The following PAG1 variants were observed in gnomAD, a reference collection of about 807,000 sequenced individuals.
PAG1 encodes phosphoprotein associated with glycosphingolipid-enriched microdomains 1.
A neutral mutation model predicts 31.7 loss-of-function variants in PAG1; 23 were observed. The ratio of observed to expected loss-of-function variants is 0.73; its 90% CI spans 0.52 to 1.03. PAG1 has a LOEUF of 1.03. Ranked by LOEUF, PAG1 falls within the 50% of genes least tolerant of loss-of-function variation. The probability of loss-of-function intolerance (pLI) is 0.00; values close to 1 mark genes in which losing one functional copy is unlikely to be tolerated. For missense variants in PAG1, 473 were observed against 540.7 expected, an observed-to-expected ratio of 0.87 and a Z score of 1.24; for synonymous variants, 214 against 210.3, an observed-to-expected ratio of 1.02 and a Z score of -0.15.
In PAG1 at chr8:81,072,030, C is replaced by T. The variant is rs1038273950; in HGVS notation, c.-233-1860G>A. 5.3e-5 allele frequency among the ~76,000 whole-genome samples: 8 copies of T among 152,178 alleles called. No homozygotes were observed. The South Asian group carries it at 1.0e-3, about 20-fold the overall frequency. On this transcript the variant is annotated intron_variant, in intron 1 of 8. Transcript: ENST00000220597. The stretch of plus-strand genomic sequence containing the variant: ...CAGTATAGAAGAGAGAACAGACCAG[C>T]GGCACAGGGGCCCACTGAGATGTGT...
chr8:80,970,049 G>C lies in PAG1; in HGVS notation c.*6495C>G, dbSNP rs1807043483. 6.6e-6 allele frequency: 1 copy of C among 152,246 alleles called. No homozygotes were observed. The highest frequency in any genetic ancestry group is 2.1e-4 in the South Asian group (1 of 4,836). The allele number at this position is 152,246 out of a possible 1,614,324, so 9.4% of individuals were successfully genotyped here. A position where few individuals can be genotyped will look rare whatever the true frequency, so the allele number is the denominator to read the frequency against. ...TCCTTAGGCACTGTTTCCTGGGGGA[G>C]AGGGTGCAATGGCTTCATGGTGAAA... On this transcript the variant is annotated 3_prime_UTR_variant, in exon 9 of 9. Coordinates refer to ENST00000220597, the MANE Select transcript of PAG1 (RefSeq NM_018440.4).
intron 3 of PAG1, among the ~76,000 whole-genome samples, chr8:81,015,633 T>C (rs1369596143): frequency 6.6e-6 from 1 of 152,222 alleles, no homozygotes; most frequent in Non-Finnish European, 1.5e-5. Flanking sequence ...AAAAAGTTAA[T>C]ACTTTCCATG....
intron 5 of PAG1, among the ~76,000 whole-genome samples, chr8:80,988,069 G>C (rs1048878719): frequency 1.3e-5 from 2 of 152,200 alleles, no homozygotes; most frequent in Admixed American, 1.3e-4. Flanking sequence ...AGTTCTATTA[G>C]ACACTGTTGT....
intron 7 of PAG1, among the ~76,000 whole-genome samples, chr8:80,981,498 G>A (rs894763240): frequency 6.6e-6 from 1 of 151,910 alleles, no homozygotes; most frequent in African/African-American, 2.4e-5. Flanking sequence ...CTTCTCCCCA[G>A]ACTTCCAACA....
At chr8:81,106,520 G>A (rs980777462) in intron 1 of PAG1, among the ~76,000 whole-genome samples, 1 of 151,874 alleles carries the variant, frequency 6.6e-6, no homozygotes, top group South Asian at 2.1e-4. Context: ...TTTTTAAAAC[G>A]TTTTTAATCA....
chr8:81,055,680 G>GT (rs1197034126), intron 2 of PAG1, among the ~76,000 whole-genome samples: 2 of 152,030 alleles, frequency 1.3e-5, no homozygotes, highest in African/African-American at 4.8e-5. Context: ...CACATCCCTT[G>GT]TAAGTTGGAT....
At chr8:80,982,564 T>G (rs1314831236) in intron 7 of PAG1, among the ~76,000 whole-genome samples, 1 of 152,148 alleles carries the variant, frequency 6.6e-6, no homozygotes, top group African/African-American at 2.4e-5. Flanking sequence ...TGTGGATGAC[T>G]CCCACATCAG....
At chr8:81,013,437 T>C (rs1808018801) in intron 3 of PAG1, among the ~76,000 whole-genome samples, 1 of 152,162 alleles carries the variant, frequency 6.6e-6, no homozygotes, top group Non-Finnish European at 1.5e-5. Flanking sequence ...CTCTCCATTG[T>C]ACCCTGCCCC....
chr8:81,093,884 G>A (rs142378797), intron 1 of PAG1, among the ~76,000 whole-genome samples: 2 of 152,318 alleles, frequency 1.3e-5, no homozygotes, highest in East Asian at 3.9e-4. Context: ...CAAACGGCCT[G>A]CCTTGCCCTG....
intron 3 of PAG1, among the ~76,000 whole-genome samples, chr8:81,006,721 C>T (rs1407315553): frequency 6.6e-6 from 1 of 151,828 alleles, no homozygotes; most frequent in Non-Finnish European, 1.5e-5. Context: ...TGGGTTAAGG[C>T]TGTGTTTATG....
intron 2 of PAG1, among the ~76,000 whole-genome samples, chr8:81,062,114 C>A (rs1011226815): frequency 8.5e-5 from 13 of 152,170 alleles, no homozygotes; most frequent in Admixed American, 2.0e-4. Flanking sequence ...GCTAACAACA[C>A]CTCAGTTATC....
rs1809492032 is a variant in PAG1, at chr8:81,094,219, A to G, written c.-234+17372T>C. On this transcript the variant is annotated intron_variant, in intron 1 of 8. Transcript: ENST00000220597. ...CAGGCCAGGCTAAACTTATTATGATATTAAGTCTTTCAGATAAATATGTTC... is the reference window on the plus strand; with the variant it reads ...CAGGCCAGGCTAAACTTATTATGATGTTAAGTCTTTCAGATAAATATGTTC... 2.0e-5 allele frequency among the ~76,000 whole-genome samples: 3 copies of G among 152,228 alleles called. No individual in the cohort carries two copies. In the South Asian group the frequency reaches 6.2e-4, roughly 32 times the overall value.
At chr8:81,098,910 C>A (rs933684268) in intron 1 of PAG1, among the ~76,000 whole-genome samples, 2 of 152,174 alleles carry the variant, frequency 1.3e-5, no homozygotes, top group African/African-American at 4.8e-5. Context: ...GTTTGAAATG[C>A]AATATCCTGG....
chr8:80,999,157 A>T (rs889651632), intron 3 of PAG1, among the ~76,000 whole-genome samples: 1 of 152,216 alleles, frequency 6.6e-6, no homozygotes, highest in African/African-American at 2.4e-5. Context: ...TCTTCCGTTC[A>T]GGTTACAGGG....
At chr8:81,056,959 A>T (rs900640809) in intron 2 of PAG1, among the ~76,000 whole-genome samples, 3 of 152,254 alleles carry the variant, frequency 2.0e-5, no homozygotes, top group Non-Finnish European at 4.4e-5. Context: ...GCCAACAGAC[A>T]CATGAAAAAG....
intron 1 of PAG1, among the ~76,000 whole-genome samples, chr8:81,106,351 A>G (rs980151559): frequency 6.6e-6 from 1 of 151,622 alleles, no homozygotes; most frequent in Non-Finnish European, 1.5e-5. Flanking sequence ...AGGCCTAGTG[A>G]GCAATTTTAA....
intron 3 of PAG1, among the ~76,000 whole-genome samples, chr8:81,029,174 C>T (rs1029260415): frequency 2.0e-5 from 3 of 152,178 alleles, no homozygotes; most frequent in African/African-American, 7.2e-5. Context: ...ATAGAAATGA[C>T]ACAGCAATTT....
At chr8:81,025,556 C>T (rs939424315) in intron 3 of PAG1, among the ~76,000 whole-genome samples, 1 of 152,150 alleles carries the variant, frequency 6.6e-6, no homozygotes, top group East Asian at 1.9e-4. Context: ...TCCACACTGG[C>T]AGGTCGTGCT....
chr8:80,998,565 T>C (rs1320652571), intron 3 of PAG1, among the ~76,000 whole-genome samples: 1 of 149,684 alleles, frequency 6.7e-6, no homozygotes, highest in East Asian at 2.0e-4. Flanking sequence ...TAGCCTGCAC[T>C]ATCAGCCACC....
Sources: gnomAD v4.1 joint callset for allele counts (sites outside exome capture counted in the v4.1 genomes callset) on GRCh38, gnomAD v4.1.1 for gene constraint, MANE v1.5 for transcripts, NCBI Gene and HGNC (gene_info 2026-07-23, HGNC 2026-07-21) for gene names.